Variants in ASTN2 observed in about 807,000 individuals in gnomAD.
ASTN2 encodes astrotactin 2.
In ASTN2, 54 loss-of-function variants were observed where a neutral mutation model predicts 139.8. The observed-to-expected ratio is 0.39, with a 90% CI of 0.31 to 0.48. The LOEUF (loss-of-function observed/expected upper bound fraction) is 0.48. ASTN2 is among the 20% of genes least tolerant of loss of function. ASTN2 has a pLI of 0.95. For synonymous variants in ASTN2, 756 were observed against 719.5 expected (o/e 1.05, Z -0.81); for missense variants, 1,565 against 1,725.1 (o/e 0.91, Z 1.64).
At chr9:116,447,857 C>T (rs1848048771) in intron 20 of ASTN2, among the ~76,000 whole-genome samples, 3 of 152,220 alleles carry the variant, frequency 2.0e-5, no homozygotes. Flanking sequence ...TCACCCCCAA[C>T]TGGAGTAAGT....
At chr9:117,241,429 CCT>C (rs1327542516) in intron 2 of ASTN2, among the ~76,000 whole-genome samples, 1 of 152,156 alleles carries the variant, frequency 6.6e-6, no homozygotes, top group Non-Finnish European at 1.5e-5. Context: ...CATTTCCCAA[CCT>C]TTTTGGCACC....
chr9:116,903,576 T>C (rs1834075826), intron 10 of ASTN2, among the ~76,000 whole-genome samples: 2 of 152,198 alleles, frequency 1.3e-5, no homozygotes. Context: ...CTGACACTTC[T>C]ATAGCAAAAC....
intron 5 of ASTN2, among the ~76,000 whole-genome samples, chr9:117,079,234 T>C (rs1446597121): frequency 6.6e-6 from 1 of 152,138 alleles, no homozygotes; most frequent in Non-Finnish European, 1.5e-5. Flanking sequence ...TGCGTGACTG[T>C]GGTCCTAGCT....
chr9:116,998,807 A>G (rs999256937), intron 7 of ASTN2, among the ~76,000 whole-genome samples: 3 of 152,168 alleles, frequency 2.0e-5, no homozygotes, highest in Non-Finnish European at 4.4e-5. Context: ...ACTTCAATAT[A>G]TATGCTCTAC....
intron 19 of ASTN2, chr9:116,568,778 C>T (rs1467554): frequency 0.27 from 41,185 of 152,076 alleles, 6,471 homozygotes; most frequent in Admixed American, 0.41. Context: ...CAAATTGAAC[C>T]AGGCAAGACT....
intron 20 of ASTN2, among the ~76,000 whole-genome samples, chr9:116,463,908 G>GT (rs71502069): frequency 0.057 from 6,638 of 115,852 alleles, 280 homozygotes; most frequent in African/African-American, 0.095. Flanking sequence ...AGAGTTTTGT[G>GT]TTTTTTTTTT....
chr9:116,535,099 C>T (rs935334530), intron 19 of ASTN2, among the ~76,000 whole-genome samples: 2 of 152,074 alleles, frequency 1.3e-5, no homozygotes, highest in Non-Finnish European at 2.9e-5. Context: ...TGAATTGGTC[C>T]CTTTACCATT....
At chr9:116,635,572 G>A (rs1469303210) in intron 17 of ASTN2, among the ~76,000 whole-genome samples, 1 of 152,096 alleles carries the variant, frequency 6.6e-6, no homozygotes, top group Non-Finnish European at 1.5e-5. Flanking sequence ...GCACATATGA[G>A]AAAAAATCAC....
intron 10 of ASTN2, among the ~76,000 whole-genome samples, chr9:116,943,963 C>T (rs750968093): frequency 6.6e-6 from 1 of 151,814 alleles, no homozygotes; most frequent in East Asian, 1.9e-4. Flanking sequence ...TTCACAGGTG[C>T]ACTTGTTCAT....
chr9:116,906,928 T>G (rs1834176772), intron 10 of ASTN2, among the ~76,000 whole-genome samples: 1 of 152,196 alleles, frequency 6.6e-6, no homozygotes, highest in Admixed American at 6.5e-5. Context: ...TATTAATATT[T>G]TTCTAGCTCA....
intron 16 of ASTN2, among the ~76,000 whole-genome samples, chr9:116,680,975 G>T (rs1859825295): frequency 6.6e-6 from 1 of 152,176 alleles, no homozygotes; most frequent in African/African-American, 2.4e-5. Flanking sequence ...AGACAGGGAT[G>T]CCCTCTCTCA....
chr9:116,502,180 T>TGA (rs1461802830), intron 19 of ASTN2, among the ~76,000 whole-genome samples: 7 of 150,640 alleles, frequency 4.6e-5, no homozygotes, highest in Admixed American at 1.3e-4. Flanking sequence ...TGCATGTATG[T>TGA]GAGAGAGAGA....
At chr9:116,491,363 A>G (rs1210452548) in intron 19 of ASTN2, among the ~76,000 whole-genome samples, 2 of 152,100 alleles carry the variant, frequency 1.3e-5, no homozygotes, top group East Asian at 1.9e-4. Flanking sequence ...TAGAACCCCT[A>G]TTTTTTCAGT....
At chr9:116,770,561 C>G (rs921748461) in intron 13 of ASTN2, among the ~76,000 whole-genome samples, 4 of 152,128 alleles carry the variant, frequency 2.6e-5, no homozygotes, top group Non-Finnish European at 5.9e-5. Context: ...CTGGCTCTTT[C>G]TCTATACCTT....
At position 117,414,512 on chromosome 9, in the gene ASTN2, G is replaced by A; in HGVS notation, c.427C>T (p.Pro143Ser). The part of the protein sequence containing the change: ...VQDDLDNTEL[P>S]FFTLEMSGTA... ...CCAGCCTTACCCAGGGTGAAGAAGG[G>A]CAGCTCGGTGTTGTCCAGGTCGTCC... Residue 143 changes from proline (P) to serine (S), a missense_variant, in exon 1 of 23, where the codon CCC becomes TCC. Transcript: ENST00000313400. This position sits in a 1 kb window ranked among gnomAD's most constrained non-coding sequence, Gnocchi z 4.2. 1 of 1,609,082 alleles carries A rather than the reference G, an allele frequency of 6.2e-7. No individual in the cohort carries two copies. The highest frequency in any genetic ancestry group is 8.5e-7 in the Non-Finnish European group (1 of 1,178,260).
At chr9:117,279,044 C>T (rs750575756) in intron 2 of ASTN2, among the ~76,000 whole-genome samples, 16 of 152,150 alleles carry the variant, frequency 1.1e-4, no homozygotes, top group Non-Finnish European at 1.8e-4. Context: ...GTTTTTAAAA[C>T]GCTTTTGTTT....
chr9:117,395,745 G>A (rs1830659327), intron 1 of ASTN2, among the ~76,000 whole-genome samples: 1 of 152,154 alleles, frequency 6.6e-6, no homozygotes, highest in African/African-American at 2.4e-5. Context: ...AATACGCAGA[G>A]TTACACAGAA....
intron 19 of ASTN2, among the ~76,000 whole-genome samples, chr9:116,531,584 C>G (rs1172131087): frequency 6.8e-6 from 1 of 146,628 alleles, no homozygotes; most frequent in Non-Finnish European, 1.5e-5. Context: ...TCTCATTGTT[C>G]AATTCCCATC....
intron 6 of ASTN2, among the ~76,000 whole-genome samples, chr9:117,019,318 A>G (rs139244753): frequency 1.3e-5 from 2 of 152,278 alleles, no homozygotes; most frequent in Non-Finnish European, 2.9e-5. Context: ...ATTCAAATTA[A>G]TGCTAAGCCT....
Sources: allele counts gnomAD v4.1 joint callset (sites outside exome capture counted in the v4.1 genomes callset), GRCh38; gene constraint gnomAD v4.1.1; non-coding constraint Gnocchi (gnomAD v3.1); transcripts MANE v1.5; gene names NCBI Gene and HGNC (gene_info 2026-07-23, HGNC 2026-07-21).